C3orf20: variants seen among roughly 807,000 people sequenced by gnomAD.
C3orf20 encodes uncharacterized protein C3orf20.
C3orf20 carries 76 observed loss-of-function variants against 88.3 expected under a neutral mutation model. That is an observed-to-expected ratio of 0.86 (90% confidence interval 0.72 to 1.04). The LOEUF is 1.04. Among genes scored for constraint, C3orf20 ranks in the 50% least tolerant of loss-of-function variants. The pLI, the probability that C3orf20 is intolerant of heterozygous loss-of-function variation, is 0.00. For synonymous variants in C3orf20, 436 were observed against 437.4 expected (o/e 1.00, Z 0.04); for missense variants, 1,056 against 1,123.3 (o/e 0.94, Z 0.86).
intron 12 of C3orf20, among the ~76,000 whole-genome samples, chr3:14,747,243 G>C (rs1330911498): frequency 6.6e-6 from 1 of 152,170 alleles, no homozygotes; most frequent in Non-Finnish European, 1.5e-5. Context: ...TATTACAAGG[G>C]GTAAGAGTCT....
At position 14,701,985 on chromosome 3, in the gene C3orf20, C is replaced by G. The variant is rs771176615; in HGVS notation, c.746-1145C>G. 1.3e-5 allele frequency among the ~76,000 whole-genome samples: 2 copies of G among 152,178 alleles called. No homozygotes were observed. The highest frequency in any genetic ancestry group is 6.5e-5 in the Admixed American group (1 of 15,276). The stretch of plus-strand genomic sequence containing the variant: ...TCTGACATTTAAAGGATGCTGCTCT[C>G]CTGCTCTTCTTGGCCCCGTGTCCCC... On this transcript the variant is annotated intron_variant, in intron 5 of 16. Coordinates refer to ENST00000253697, the MANE Select transcript of C3orf20 (RefSeq NM_032137.5). This position sits in a 1 kb window ranked among gnomAD's most constrained non-coding sequence, Gnocchi z 4.6.
chr3:14,771,984 T>C, intron 15 of C3orf20, 83 bp from the exon 16 acceptor site: 3 of 1,558,016 alleles, frequency 1.9e-6, no homozygotes, highest in Non-Finnish European at 2.6e-6. Context: ...TCCTTGTCTG[T>C]CCAGGCTCCC....
At chr3:14,761,055 A>G (rs1294122317) in intron 14 of C3orf20, among the ~76,000 whole-genome samples, 2 of 152,022 alleles carry the variant, frequency 1.3e-5, no homozygotes, top group African/African-American at 4.8e-5. Context: ...TTCCCATTCC[A>G]TGGGATAAGC....
At chr3:14,763,863 A>ATCATTTT (rs2035627523) in intron 15 of C3orf20, among the ~76,000 whole-genome samples, 1 of 152,212 alleles carries the variant, frequency 6.6e-6, no homozygotes, top group Non-Finnish European at 1.5e-5. Flanking sequence ...ATTATCATTA[A>ATCATTTT]AATGAGCTCT....
intron 5 of C3orf20, among the ~76,000 whole-genome samples, chr3:14,693,448 C>T (rs1012572879): frequency 1.3e-4 from 20 of 151,592 alleles, no homozygotes; most frequent in African/African-American, 4.6e-4. Context: ...TTCTTTAATT[C>T]CTGACTATTT....
intron 9 of C3orf20, among the ~76,000 whole-genome samples, chr3:14,717,136 C>G (rs1185566812): frequency 6.6e-6 from 1 of 152,230 alleles, no homozygotes; most frequent in Non-Finnish European, 1.5e-5. Context: ...TTTGCGAAAA[C>G]CTTTCAGCTT....
intron 9 of C3orf20, among the ~76,000 whole-genome samples, chr3:14,718,779 ATGTTTGTT>A (rs995157914): frequency 6.6e-6 from 1 of 152,180 alleles, no homozygotes; most frequent in African/African-American, 2.4e-5. Flanking sequence ...TTCAGTTTTT[ATGTTTGTT>A]TGTTTCTTCA....
At chr3:14,710,297 T>C (rs750684931) in intron 7 of C3orf20, among the ~76,000 whole-genome samples, 15 of 152,102 alleles carry the variant, frequency 9.9e-5, no homozygotes, top group Non-Finnish European at 1.6e-4. Context: ...TTATCAAAGA[T>C]GCAACTTTTG....
chr3:14,766,112 G>C (rs764345481), intron 15 of C3orf20, among the ~76,000 whole-genome samples: 1 of 152,182 alleles, frequency 6.6e-6, no homozygotes. Flanking sequence ...AGCCCAGCTC[G>C]GGGCCAGGAC....
intron 1 of C3orf20, among the ~76,000 whole-genome samples, chr3:14,677,747 C>T (rs1385053487): frequency 2.6e-5 from 4 of 152,188 alleles, no homozygotes; most frequent in East Asian, 1.9e-4. Context: ...GTGATCTGCC[C>T]GCCTCGGCCT....
chr3:14,757,662 C>T lies in C3orf20; in HGVS notation c.2232C>T (p.Ser744=). ...LYNHQQRGRG[S]PCIQCRYDSY... ...ACCACCAGCAGCGGGGCCGTGGCTC[C>T]CCCTGCATCCAGGTTGGTCTGGGCC... Residue 744 remains serine (S), a synonymous_variant, in exon 13 of 17, where the codon TCC becomes TCT. Coordinates refer to ENST00000253697, the MANE Select transcript of C3orf20 (RefSeq NM_032137.5). The T allele has an allele frequency of 1.2e-6, 2 of 1,610,082 alleles. No homozygotes were observed. Among genetic ancestry groups the T allele is most frequent in the Non-Finnish European group, 1.7e-6 (2 of 1,177,250 alleles).
chr3:14,764,139 C>A (rs960049719), intron 15 of C3orf20, among the ~76,000 whole-genome samples: 5 of 151,872 alleles, frequency 3.3e-5, no homozygotes, highest in Admixed American at 6.6e-5. Flanking sequence ...CAGAAGTAGA[C>A]ACAAACTAGA....
chr3:14,675,335 C>T (rs777631509), intron 1 of C3orf20, 83 bp downstream of exon 1: 9 of 152,196 alleles, frequency 5.9e-5, no homozygotes, highest in Non-Finnish European at 1.0e-4. Flanking sequence ...TCCTGCCTGC[C>T]CCTGTTAGCT....
intron 5 of C3orf20, among the ~76,000 whole-genome samples, chr3:14,694,936 A>G (rs924203559): frequency 7.2e-5 from 11 of 152,150 alleles, no homozygotes; most frequent in African/African-American, 2.6e-4. Context: ...GATTACAGAC[A>G]TGCACCACTA....
Position 14,772,278 on chromosome 3 carries a change from T to C in C3orf20, c.2630+77T>C. 1 of 1,583,638 alleles carries C rather than the reference T, an allele frequency of 6.3e-7. No homozygotes were observed. The highest frequency in any genetic ancestry group is 8.7e-7 in the Non-Finnish European group (1 of 1,155,804). ...TCGGGGCTATTTGGCCTTGGGCAAG[T>C]CACTACCCCCAGGCGTGGCCTGGGT... On this transcript the variant is annotated intron_variant, in intron 16 of 16. Transcript: ENST00000253697. The surrounding 1 kb of genome is among the most constrained non-coding windows in gnomAD (Gnocchi z 4.2).
chr3:14,753,437 T>G (rs981002211), intron 12 of C3orf20, among the ~76,000 whole-genome samples: 6 of 152,194 alleles, frequency 3.9e-5, no homozygotes, highest in African/African-American at 1.4e-4. Flanking sequence ...TGTATACCTA[T>G]GTAACAAACT....
intron 12 of C3orf20, among the ~76,000 whole-genome samples, chr3:14,744,259 G>A (rs2034996203): frequency 1.3e-5 from 2 of 152,030 alleles, no homozygotes; most frequent in South Asian, 4.1e-4. Context: ...AATCTCTAGG[G>A]CAGGGGCAAA....
chr3:14,732,661 A>C (rs1287007025), intron 12 of C3orf20, among the ~76,000 whole-genome samples: 1 of 152,194 alleles, frequency 6.6e-6, no homozygotes. Context: ...CCATCTCGTG[A>C]GTTGAGGACA....
chr3:14,737,015 A>T (rs2034733397), intron 12 of C3orf20, among the ~76,000 whole-genome samples: 1 of 152,002 alleles, frequency 6.6e-6, no homozygotes, highest in Non-Finnish European at 1.5e-5. Flanking sequence ...CTCTTTGAAG[A>T]TATTGCATCT....
Sources: allele counts gnomAD v4.1 joint callset (sites outside exome capture counted in the v4.1 genomes callset), GRCh38; gene constraint gnomAD v4.1.1; non-coding constraint Gnocchi (gnomAD v3.1); transcripts MANE v1.5; gene names NCBI Gene and HGNC (gene_info 2026-07-23, HGNC 2026-07-21).